RBFOX3: variants seen among roughly 807,000 people sequenced by gnomAD.
RBFOX3 encodes the protein RNA binding protein fox-1 homolog 3.
RBFOX3 carries 17 observed loss-of-function variants against 48.7 expected under a neutral mutation model. The ratio of observed to expected loss-of-function variants is 0.35; its 90% confidence interval spans 0.24 to 0.52. RBFOX3 has a LOEUF of 0.52. Among genes scored for constraint, RBFOX3 ranks in the 20% least tolerant of loss-of-function variants. The pLI is 0.94. For missense variants in RBFOX3, 382 were observed against 497.5 expected, an observed-to-expected ratio of 0.77 and a Z score of 2.21; for synonymous variants, 212 against 209.5, an observed-to-expected ratio of 1.01 and a Z score of -0.10.
intron 2 of RBFOX3, among the ~76,000 whole-genome samples, chr17:79,319,517 G>T (rs59882835): frequency 0.084 from 12,334 of 146,000 alleles, 739 homozygotes; most frequent in Middle Eastern, 0.095. Context: ...TGTCTGGGCT[G>T]CTGGTCTTGT....
intron 1 of RBFOX3, among the ~76,000 whole-genome samples, chr17:79,538,305 T>C (rs1345928208): frequency 1.3e-5 from 2 of 152,104 alleles, no homozygotes; most frequent in African/African-American, 4.8e-5. Flanking sequence ...GCCAGTGGGA[T>C]GAATGGAGGA....
intron 2 of RBFOX3, among the ~76,000 whole-genome samples, chr17:79,322,609 C>T (rs757134194): frequency 2.0e-5 from 3 of 152,136 alleles, no homozygotes; most frequent in African/African-American, 2.4e-5. Context: ...AGCACGACCC[C>T]GAAGGGAGGG....
chr17:79,556,533 G>A (rs1673592009), intron 1 of RBFOX3, among the ~76,000 whole-genome samples: 2 of 152,312 alleles, frequency 1.3e-5, no homozygotes, highest in Non-Finnish European at 2.9e-5. Flanking sequence ...ATGAGCGACA[G>A]GAGGAGGAGC....
the RBFOX3 span, among the ~76,000 whole-genome samples, chr17:79,652,205 GAGA>G: frequency 1.3e-5 from 2 of 152,112 alleles, no homozygotes; most frequent in African/African-American, 4.8e-5. Flanking sequence ...GCTTTACAAA[GAGA>G]AGAAAACTTC....
chr17:79,292,578 ACACATG>A (rs745479415), intron 3 of RBFOX3, among the ~76,000 whole-genome samples: 1,712 of 123,452 alleles, frequency 0.014, 12 homozygotes, highest in Middle Eastern at 0.026. Context: ...ACACACACAC[ACACATG>A]CACACACACA....
intron 4 of RBFOX3, among the ~76,000 whole-genome samples, chr17:79,162,731 G>A (rs536167574): frequency 1.7e-3 from 264 of 152,306 alleles, no homozygotes; most frequent in Middle Eastern, 3.4e-3. Context: ...CAAAGCCCTC[G>A]GGTGTTGTGG....
intron 3 of RBFOX3, among the ~76,000 whole-genome samples, chr17:79,250,226 C>T (rs1295161104): frequency 2.6e-5 from 4 of 152,190 alleles, no homozygotes; most frequent in Non-Finnish European, 4.4e-5. Context: ...TTCTATCACA[C>T]CCATGTCCCG....
chr17:79,219,580 T>G (rs1401129386), intron 4 of RBFOX3, among the ~76,000 whole-genome samples: 1 of 151,972 alleles, frequency 6.6e-6, no homozygotes, highest in East Asian at 1.9e-4. Flanking sequence ...ACCCCTACCC[T>G]GATTTTTCAT....
In RBFOX3 at chr17:79,344,963, G is replaced by A. The variant is rs79705590; in HGVS notation, c.-174-37139C>T. Reference sequence around the variant, plus strand: ...CCTCTGACTGCAAAACTCAGAGGATGAAGTCACTTGCCTGTCCTCAGACCA... The same window carrying A: ...CCTCTGACTGCAAAACTCAGAGGATAAAGTCACTTGCCTGTCCTCAGACCA... On this transcript the variant is annotated intron_variant, in intron 2 of 14. Transcript: ENST00000693108. Among the ~76,000 whole-genome samples the A allele has an allele frequency of 6.9e-3, 1,052 of 152,338 alleles. 40 individuals are homozygous for A. Among genetic ancestry groups the A allele is most frequent in the Admixed American group, 0.046 (707 of 15,306 alleles).
intron 2 of RBFOX3, among the ~76,000 whole-genome samples, chr17:79,372,920 C>T (rs1033338070): frequency 6.6e-6 from 1 of 152,182 alleles, no homozygotes; most frequent in African/African-American, 2.4e-5. Context: ...CAGAGCAAGA[C>T]AGGGCAGAAG....
intron 4 of RBFOX3, among the ~76,000 whole-genome samples, chr17:79,152,558 C>T (rs773340077): frequency 1.3e-5 from 2 of 152,202 alleles, no homozygotes; most frequent in African/African-American, 2.4e-5. Flanking sequence ...GCCCCACAAG[C>T]GCCCTGAACC....
At chr17:79,587,965 T>G (rs2093306143) in intron 1 of RBFOX3, among the ~76,000 whole-genome samples, 1 of 152,170 alleles carries the variant, frequency 6.6e-6, no homozygotes, top group African/African-American at 2.4e-5. Flanking sequence ...GCTTCCTGAA[T>G]AGCTGGGACA....
At chr17:79,295,736 G>T (rs920679762) in intron 3 of RBFOX3, among the ~76,000 whole-genome samples, 7 of 152,128 alleles carry the variant, frequency 4.6e-5, no homozygotes, top group Non-Finnish European at 7.3e-5. Flanking sequence ...ATCCCACAAG[G>T]ATGGATGAGC....
At chr17:79,459,991 G>GGTGCTGCAAT (rs1200254382) in intron 2 of RBFOX3, among the ~76,000 whole-genome samples, 1 of 152,180 alleles carries the variant, frequency 6.6e-6, no homozygotes, top group Non-Finnish European at 1.5e-5. Context: ...GGCATGGACA[G>GGTGCTGCAAT]GTGCTGCAAT....
intron 2 of RBFOX3, among the ~76,000 whole-genome samples, chr17:79,341,540 T>C (rs2082091556): frequency 6.6e-6 from 1 of 152,030 alleles, no homozygotes; most frequent in Non-Finnish European, 1.5e-5. Context: ...CCAGGGGAGC[T>C]GAGGCTAGGC....
intron 4 of RBFOX3, among the ~76,000 whole-genome samples, chr17:79,222,768 T>C (rs1239327464): frequency 6.6e-6 from 1 of 152,146 alleles, no homozygotes; most frequent in African/African-American, 2.4e-5. Flanking sequence ...GCCACACTTG[T>C]CATGTCCAGG....
rs917672080 is a variant in RBFOX3 at position 79,473,555 on chromosome 17, C to T, written c.-175+8899G>A. Among the ~76,000 whole-genome samples the T allele has an allele frequency of 3.3e-5, 5 of 152,300 alleles. No individual in the cohort carries two copies. Among genetic ancestry groups the T allele is most frequent in the South Asian group, 4.1e-4 (2 of 4,826 alleles). On this transcript the variant is annotated intron_variant, in intron 2 of 14. Transcript: ENST00000693108. The surrounding 1 kb of genome is among the most constrained non-coding windows in gnomAD (Gnocchi z 4.2). ...ATGCCTCCCACAAGAAGTTGTGTTA[C>T]GAGTGTATTATTTGATCTTTGTTGA...
chr17:79,431,764 C>A (rs1262919149), intron 2 of RBFOX3, among the ~76,000 whole-genome samples: 1 of 152,194 alleles, frequency 6.6e-6, no homozygotes, highest in African/African-American at 2.4e-5. Context: ...GGATTATAGG[C>A]GTGAGCCACA....
intron 3 of RBFOX3, among the ~76,000 whole-genome samples, chr17:79,251,433 C>T (rs2063942516): frequency 6.6e-6 from 1 of 152,194 alleles, no homozygotes; most frequent in African/African-American, 2.4e-5. Context: ...ATTGATCCAG[C>T]ACCCCTAAAC....
Sources: gnomAD v4.1 joint callset for allele counts (sites outside exome capture counted in the v4.1 genomes callset) on GRCh38, gnomAD v4.1.1 for gene constraint, Gnocchi (gnomAD v3.1) non-coding constraint, MANE v1.5 for transcripts, NCBI Gene and HGNC (gene_info 2026-07-23, HGNC 2026-07-21) for gene names.